The following RARB variants were observed in gnomAD, a reference collection of about 807,000 sequenced individuals.
RARB encodes the protein retinoic acid receptor beta, also known as HBV-activated protein.
In RARB, 17 loss-of-function variants were observed where a neutral mutation model predicts 51.9. The observed-to-expected ratio is 0.33, with a 90% CI of 0.22 to 0.49. The LOEUF (loss-of-function observed/expected upper bound fraction) is 0.49, where lower values mean the gene tolerates loss of function less well. RARB is among the 20% of genes least tolerant of loss of function. The pLI is 0.99. For synonymous variants in RARB, 215 were observed against 195.4 expected (o/e 1.10, Z -0.84); for missense variants, 369 against 550.8 (o/e 0.67, Z 3.30).
At chr3:24,912,342 C>T (rs748669953) in intron 2 of RARB, among the ~76,000 whole-genome samples, 5 of 151,946 alleles carry the variant, frequency 3.3e-5, no homozygotes, top group Admixed American at 6.6e-5. Context: ...TTCATGTACC[C>T]GTTTCTTCGT....
intron 5 of RARB, among the ~76,000 whole-genome samples, chr3:25,386,848 A>G (rs536213367): frequency 7.9e-5 from 12 of 152,152 alleles, no homozygotes; most frequent in Non-Finnish European, 1.6e-4. Context: ...AAGATGTGCT[A>G]GGTGCTGTGT....
At chr3:24,870,806 G>T (rs1437970914) in intron 2 of RARB, among the ~76,000 whole-genome samples, 1 of 152,002 alleles carries the variant, frequency 6.6e-6, no homozygotes, top group Admixed American at 6.6e-5. Context: ...TTTCTATATA[G>T]GCATACAATG....
chr3:24,950,048 G>C (rs1192852787), intron 2 of RARB, among the ~76,000 whole-genome samples: 1 of 152,152 alleles, frequency 6.6e-6, no homozygotes, highest in African/African-American at 2.4e-5. Context: ...TGTTAATGTA[G>C]GTGAGCATCA....
At chr3:25,431,493 A>G (rs886652569) in intron 1 of RARB, among the ~76,000 whole-genome samples, 1 of 152,166 alleles carries the variant, frequency 6.6e-6, no homozygotes, top group Non-Finnish European at 1.5e-5. Flanking sequence ...TGTGGTCTAA[A>G]TATTACGATT....
At chr3:25,499,482 T>C (rs1697188874) in intron 2 of RARB, among the ~76,000 whole-genome samples, 1 of 152,148 alleles carries the variant, frequency 6.6e-6, no homozygotes, top group African/African-American at 2.4e-5. Flanking sequence ...TGATCATCCA[T>C]TGTCTGCAAA....
intron 2 of RARB, among the ~76,000 whole-genome samples, chr3:24,943,712 T>A (rs751466312): frequency 1.3e-5 from 2 of 152,202 alleles, no homozygotes; most frequent in Non-Finnish European, 2.9e-5. Flanking sequence ...AGGTGCCATT[T>A]TCCTGCAAAT....
chr3:24,894,442 A>G (rs538391927), intron 2 of RARB, among the ~76,000 whole-genome samples: 1 of 152,036 alleles, frequency 6.6e-6, no homozygotes, highest in Admixed American at 6.6e-5. Context: ...AAAGGACATG[A>G]TTTTATTCTT....
chr3:25,107,749 T>C (rs1180918071), intron 3 of RARB, among the ~76,000 whole-genome samples: 1 of 152,238 alleles, frequency 6.6e-6, no homozygotes, highest in Non-Finnish European at 1.5e-5. Flanking sequence ...TAATAAAATG[T>C]ATCACAAATT....
intron 2 of RARB, among the ~76,000 whole-genome samples, chr3:25,005,009 T>TC (rs762087903): frequency 1.3e-5 from 2 of 152,146 alleles, no homozygotes; most frequent in East Asian, 3.9e-4. Context: ...GATTCCTTTT[T>TC]CCCATACCCT....
In RARB at chr3:25,071,046, A is replaced by G. The variant is rs79591583; in HGVS notation, c.-328+10870A>G. ...TCTGAGTCTTGAGTGCCACAAAGAG[A>G]AACAAGTGCAAAATGGAGACACTAA... On this transcript the variant is annotated intron_variant, in intron 3 of 11. Coordinates refer to the RARB transcript ENST00000383772. 1.3e-3 allele frequency among the ~76,000 whole-genome samples: 193 copies of G among 152,340 alleles called. 1 individual carries two copies. Among genetic ancestry groups the G allele is most frequent in the African/African-American group, 4.4e-3 (181 of 41,580 alleles).
intron 3 of RARB, among the ~76,000 whole-genome samples, chr3:25,088,905 T>C (rs79637947): frequency 0.016 from 2,372 of 152,048 alleles, 53 homozygotes; most frequent in African/African-American, 0.05. Context: ...AGAAGGAAAA[T>C]ACAGATTTTT....
At chr3:24,974,920 A>C (rs1000755824) in intron 2 of RARB, among the ~76,000 whole-genome samples, 17 of 152,168 alleles carry the variant, frequency 1.1e-4, no homozygotes, top group African/African-American at 3.9e-4. Context: ...AATGTTATAC[A>C]AGGTTGGATT....
intron 2 of RARB, among the ~76,000 whole-genome samples, chr3:24,951,949 G>T (rs546854984): frequency 6.6e-6 from 1 of 152,188 alleles, no homozygotes; most frequent in Non-Finnish European, 1.5e-5. Context: ...TATAGGAAAC[G>T]TAATACACCC....
In RARB at chr3:24,922,673, C is replaced by T. The variant is rs78718107; in HGVS notation, c.-380+63921C>T. On this transcript the variant is annotated intron_variant, in intron 2 of 11. Transcript: ENST00000383772. The stretch of plus-strand genomic sequence containing the variant: ...GTAGAAAAAAGAGAAGTGTAGAAGA[C>T]GGGTCAGCCCAGAGGTTGATCAAGG... Among the ~76,000 whole-genome samples the T allele has an allele frequency of 3.5e-3, 536 of 152,216 alleles. 4 individuals are homozygous for T. The highest frequency in any genetic ancestry group is 0.012 in the African/African-American group (495 of 41,528).
chr3:25,428,835 C>G lies in RARB; in HGVS notation c.104C>G (p.Ala35Gly), dbSNP rs990515725. ...ATGCTCCAGGAGAAAGCTCTCAAAG[C>G]ATGCTTCAGTGGATTGACCCAAACC... ...SCMLQEKALK[A>G]CFSGLTQTEW... is the part of the protein sequence containing the mutation. Residue 35 changes from alanine to glycine, a missense_variant, in exon 1 of 8, where the codon GCA (alanine) becomes GGA (glycine). Physicochemically the swap from Ala to Gly is moderately conservative, Grantham distance 60 (BLOSUM62 0). This residue lies in a region of RARB where 99 missense variants were observed against 95.1 expected (regional missense o/e 1.04). Coordinates refer to ENST00000330688, the MANE Select transcript of RARB (RefSeq NM_000965.5). 1 of 1,614,084 alleles carries G rather than the reference C, an allele frequency of 6.2e-7. No individual in the cohort carries two copies. The highest frequency in any genetic ancestry group is 1.7e-5 in the Admixed American group (1 of 60,018).
intron 3 of RARB, among the ~76,000 whole-genome samples, chr3:25,119,333 C>T (rs1699741287): frequency 6.6e-6 from 1 of 152,102 alleles, no homozygotes; most frequent in Non-Finnish European, 1.5e-5. Context: ...GAAGTTTGAA[C>T]CCTTGTTCCT....
chr3:25,388,884 C>G (rs368383958), intron 5 of RARB, among the ~76,000 whole-genome samples: 2 of 152,012 alleles, frequency 1.3e-5, no homozygotes, highest in Non-Finnish European at 2.9e-5. Flanking sequence ...TTGAATGTTA[C>G]TAGGTTTTTC....
At chr3:25,006,404 A>T (rs1202977942) in intron 2 of RARB, among the ~76,000 whole-genome samples, 1 of 152,212 alleles carries the variant, frequency 6.6e-6, no homozygotes, top group Non-Finnish European at 1.5e-5. Context: ...TATGTAGTGG[A>T]TACAGTTGTG....
intron 5 of RARB, among the ~76,000 whole-genome samples, chr3:25,364,974 G>T (rs892728519): frequency 8.6e-5 from 13 of 151,934 alleles, no homozygotes; most frequent in African/African-American, 3.1e-4. Context: ...CCTAGAATCT[G>T]ATTACTATTA....
Sources: gnomAD v4.1 joint callset for allele counts (sites outside exome capture counted in the v4.1 genomes callset) on GRCh38, gnomAD v4.1.1 for gene constraint, gnomAD v4.1.1 regional missense constraint, MANE v1.5 for transcripts, NCBI Gene and HGNC (gene_info 2026-07-23, HGNC 2026-07-21) for gene names.